GLI3: variants seen among roughly 807,000 people sequenced by gnomAD.
The protein encoded by GLI3 is GLI family zinc finger 3, also known as transcription activator GLI3.
A neutral mutation model predicts 100.8 loss-of-function variants in GLI3; 20 were observed. The observed-to-expected ratio is 0.20, with a 90% CI of 0.14 to 0.29. The LOEUF is 0.29. Ranked by LOEUF, GLI3 falls within the 10% of genes least tolerant of loss-of-function variation. The probability of loss-of-function intolerance (pLI) is 1.00; values close to 1 mark genes in which losing one functional copy is unlikely to be tolerated. For synonymous variants in GLI3, 938 were observed against 860.5 expected (o/e 1.09, Z -1.58); for missense variants, 2,040 against 2,128.5 (o/e 0.96, Z 0.82).
chr7:42,215,863 C>A (rs1164025939), intron 2 of GLI3, among the ~76,000 whole-genome samples: 1 of 127,468 alleles, frequency 7.8e-6, no homozygotes, highest in Non-Finnish European at 1.8e-5. Context: ...CTCCTATTAG[C>A]CAATCCTTCA....
chr7:42,230,723 C>G (rs4724101), intron 1 of GLI3, among the ~76,000 whole-genome samples: 71,793 of 152,082 alleles, frequency 0.47, 17,748 homozygotes, highest in East Asian at 0.75. Context: ...TACCATTTCT[C>G]AGTTCTGTAA....
At chr7:42,077,008 C>A in intron 3 of GLI3, 151 bp from the exon 4 acceptor site, 1 of 691,656 alleles carries the variant, frequency 1.4e-6, no homozygotes, top group Non-Finnish European at 2.6e-6. Context: ...AGTTATGAAG[C>A]TCTGTGAGGT....
intron 2 of GLI3, among the ~76,000 whole-genome samples, chr7:42,161,199 A>G (rs1311930721): frequency 1.3e-5 from 2 of 152,184 alleles, no homozygotes; most frequent in Non-Finnish European, 2.9e-5. Context: ...TATATCTCAA[A>G]CTTTTTAATG....
chr7:42,262,225 T>TTCCTTCCTTCCTTCC (rs1789151410), intron 1 of GLI3, among the ~76,000 whole-genome samples: 1 of 118,700 alleles, frequency 8.4e-6, no homozygotes, highest in South Asian at 2.9e-4. Flanking sequence ...TCCTTCCTTC[T>TTCCTTCCTTCCTTCC]TTCCTTCCTT....
chr7:42,259,784 A>C (rs985303237), intron 1 of GLI3, among the ~76,000 whole-genome samples: 1 of 152,352 alleles, frequency 6.6e-6, no homozygotes, highest in South Asian at 2.1e-4. Flanking sequence ...TTAGGATCCA[A>C]ATCAATAGCA....
chr7:41,964,741 A>G lies in GLI3; in HGVS notation c.4332T>C (p.Tyr1444=), dbSNP rs1198699106. ...SNLQNYSGQF[Y]DQTVGFSQQD... is the part of the protein sequence containing the mutation. Reference sequence around the variant, plus strand: ...GCTGACTGAAGCCCACGGTTTGGTCATAGAACTGACCAGAGTAATTCTGCA... The same window carrying G: ...GCTGACTGAAGCCCACGGTTTGGTCGTAGAACTGACCAGAGTAATTCTGCA... Residue 1444 remains tyrosine, a synonymous_variant, in exon 15 of 15, where the codon TAT becomes TAC. Coordinates refer to ENST00000395925, the MANE Select transcript of GLI3 (RefSeq NM_000168.6). 6.2e-7 allele frequency: 1 copy of G among 1,614,070 alleles called. No homozygotes were observed. The highest frequency in any genetic ancestry group is 8.5e-7 in the Non-Finnish European group (1 of 1,179,994).
intron 2 of GLI3, among the ~76,000 whole-genome samples, chr7:42,218,340 A>G (rs145900344): frequency 6.6e-6 from 1 of 152,188 alleles, no homozygotes; most frequent in East Asian, 2.0e-4. Context: ...AGAATAGCAG[A>G]TAAATTTCAA....
At chr7:42,195,760 G>A (rs1787916300) in intron 2 of GLI3, among the ~76,000 whole-genome samples, 1 of 152,116 alleles carries the variant, frequency 6.6e-6, no homozygotes. Flanking sequence ...CACAGTATTG[G>A]CACATAGGAC....
intron 2 of GLI3, among the ~76,000 whole-genome samples, chr7:42,184,479 G>T: frequency 6.6e-6 from 1 of 152,172 alleles, no homozygotes; most frequent in East Asian, 1.9e-4. Flanking sequence ...TGACTAGAAG[G>T]CGGGCCTGCT....
chr7:42,101,675 T>C (rs1437906510), intron 3 of GLI3, among the ~76,000 whole-genome samples: 2 of 150,796 alleles, frequency 1.3e-5, no homozygotes, highest in African/African-American at 2.4e-5. Flanking sequence ...TCTTTTTATT[T>C]ATTTATTTAT....
intron 2 of GLI3, among the ~76,000 whole-genome samples, chr7:42,191,476 A>G (rs1304685385): frequency 2.0e-5 from 3 of 152,052 alleles, no homozygotes; most frequent in Non-Finnish European, 2.9e-5. Context: ...AACATGGAGA[A>G]GCCCCATCTC....
chr7:42,076,687 G>T, intron 4 of GLI3, 65 bp downstream of exon 4: 1 of 1,013,098 alleles, frequency 9.9e-7, no homozygotes, highest in Non-Finnish European at 1.6e-6. Context: ...TTAACAAAAA[G>T]TCCTGAGATG....
In GLI3 at chr7:41,977,122, G is replaced by T. The variant is rs550401510; in HGVS notation, c.1812+436C>A. Among the ~76,000 whole-genome samples, 13 of 152,294 alleles carry T rather than the reference G, an allele frequency of 8.5e-5. No homozygotes were observed. In the South Asian group the frequency reaches 2.3e-3, roughly 27 times the overall value. ...ATAATACCATTTGAAGATACCACTTGGAGGAAGCAAATAAAAGTGGATGAC... is the reference window on the plus strand; with the variant it reads ...ATAATACCATTTGAAGATACCACTTTGAGGAAGCAAATAAAAGTGGATGAC... On this transcript the variant is annotated intron_variant, in intron 12 of 14. Coordinates refer to ENST00000395925, the MANE Select transcript of GLI3 (RefSeq NM_000168.6).
At chr7:42,078,130 C>T (rs1314347214) in intron 3 of GLI3, among the ~76,000 whole-genome samples, 1 of 152,176 alleles carries the variant, frequency 6.6e-6, no homozygotes, top group African/African-American at 2.4e-5. Flanking sequence ...AGAGCGTCCC[C>T]CCGCTGAAGT....
intron 3 of GLI3, among the ~76,000 whole-genome samples, chr7:42,114,429 G>A (rs1785796030): frequency 1.4e-5 from 2 of 144,986 alleles, no homozygotes; most frequent in Admixed American, 1.3e-4. Context: ...GCTAGGTACG[G>A]TTTGGCTTGG....
chr7:41,985,853 T>C (rs968740083), intron 10 of GLI3, among the ~76,000 whole-genome samples: 4 of 152,202 alleles, frequency 2.6e-5, no homozygotes, highest in Non-Finnish European at 5.9e-5. Context: ...AAATAGGCCT[T>C]ATATATCAAT....
At chr7:42,167,501 T>G (rs1205750194) in intron 2 of GLI3, among the ~76,000 whole-genome samples, 2 of 152,212 alleles carry the variant, frequency 1.3e-5, no homozygotes, top group Non-Finnish European at 2.9e-5. Context: ...ATTGTCAGTT[T>G]AGATATGTTT....
At chr7:42,143,352 C>T (rs1181501988) in intron 3 of GLI3, among the ~76,000 whole-genome samples, 1 of 152,214 alleles carries the variant, frequency 6.6e-6, no homozygotes, top group East Asian at 1.9e-4. Context: ...ACTGTCACTG[C>T]CTTTGCAGTT....
At chr7:42,168,386 A>T (rs1350751559) in intron 2 of GLI3, among the ~76,000 whole-genome samples, 1 of 152,216 alleles carries the variant, frequency 6.6e-6, no homozygotes, top group Non-Finnish European at 1.5e-5. Flanking sequence ...CACCAGGGGC[A>T]CCAAAAAACA....
Sources: allele counts gnomAD v4.1 joint callset (sites outside exome capture counted in the v4.1 genomes callset), GRCh38; gene constraint gnomAD v4.1.1; transcripts MANE v1.5; gene names NCBI Gene and HGNC (gene_info 2026-07-23, HGNC 2026-07-21).